Variants in KCNC2 observed in about 807,000 individuals in gnomAD.
The protein encoded by KCNC2 is voltage-gated potassium channel KCNC2.
In KCNC2, 21 loss-of-function variants were observed where a neutral mutation model predicts 44.5. The ratio of observed to expected loss-of-function variants is 0.47; its 90% CI spans 0.33 to 0.68. The LOEUF (loss-of-function observed/expected upper bound fraction) is 0.68, where lower values mean the gene tolerates loss of function less well. KCNC2 is among the 30% of genes least tolerant of loss of function. The pLI, the probability that KCNC2 is intolerant of heterozygous loss-of-function variation, is 0.01. For synonymous variants in KCNC2, 391 were observed against 339.1 expected (o/e 1.15, Z -1.68); for missense variants, 589 against 826.2 (o/e 0.71, Z 3.52).
intron 2 of KCNC2, among the ~76,000 whole-genome samples, chr12:75,061,116 T>C (rs1882276015): frequency 6.6e-6 from 1 of 152,170 alleles, no homozygotes; most frequent in Non-Finnish European, 1.5e-5. Context: ...AGAGTTTTAT[T>C]CAGATTTTAT....
intron 2 of KCNC2, among the ~76,000 whole-genome samples, chr12:75,171,053 C>G (rs1593019355): frequency 7.8e-6 from 1 of 128,064 alleles, no homozygotes; most frequent in Non-Finnish European, 1.6e-5. Context: ...AATATGGCAG[C>G]TTACTCCTTC....
At chr12:75,104,111 AG>A (rs1271650522) in intron 2 of KCNC2, among the ~76,000 whole-genome samples, 1 of 151,916 alleles carries the variant, frequency 6.6e-6, no homozygotes, top group Non-Finnish European at 1.5e-5. Flanking sequence ...TGAGTGGCAT[AG>A]GTATTGTGGT....
intron 2 of KCNC2, among the ~76,000 whole-genome samples, chr12:75,138,536 T>C (rs771118436): frequency 6.6e-6 from 1 of 152,220 alleles, no homozygotes; most frequent in African/African-American, 2.4e-5. Context: ...AACGTCCATA[T>C]TTTAATAGCC....
chr12:75,178,877 G>A (rs1292222464), intron 2 of KCNC2, among the ~76,000 whole-genome samples: 4 of 151,894 alleles, frequency 2.6e-5, no homozygotes, highest in Non-Finnish European at 4.4e-5. Flanking sequence ...AAAGAGGTGG[G>A]GGAATCATGC....
chr12:75,043,923 T>A, intron 4 of KCNC2: 1 of 629,874 alleles, frequency 1.6e-6, no homozygotes, highest in Admixed American at 3.2e-5. Context: ...TTCAGCTGAT[T>A]TCCACCCCCG....
Position 75,063,732 on chromosome 12 carries a change from C to A in KCNC2, c.688-12415G>T, listed in dbSNP as rs572754322. Among the ~76,000 whole-genome samples, 13 of 152,166 alleles carry A rather than the reference C, an allele frequency of 8.5e-5. 1 individual carries two copies. The South Asian group carries it at 2.5e-3, about 29-fold the overall frequency. ...GTAAACTCAATAAAGTGTTTGAGAT[C>A]TTTAAGTTTCTTCTTATACATTTTG... On this transcript the variant is annotated intron_variant, in intron 2 of 4. Transcript: ENST00000549446.
At chr12:75,161,312 A>G (rs544272633) in intron 2 of KCNC2, among the ~76,000 whole-genome samples, 1 of 151,854 alleles carries the variant, frequency 6.6e-6, no homozygotes, top group South Asian at 2.1e-4. Flanking sequence ...CTTTTAAAAT[A>G]TAAATGATAT....
chr12:75,137,449 C>T (rs1039487114), intron 2 of KCNC2, among the ~76,000 whole-genome samples: 2 of 152,188 alleles, frequency 1.3e-5, no homozygotes, highest in Non-Finnish European at 2.9e-5. Context: ...TTTCATCTGT[C>T]ATATAACCAA....
intron 2 of KCNC2, among the ~76,000 whole-genome samples, chr12:75,127,153 A>T (rs1261836302): frequency 1.3e-5 from 2 of 152,214 alleles, no homozygotes; most frequent in Admixed American, 1.3e-4. Flanking sequence ...TACAGTCTGT[A>T]ACAATCTCTG....
intron 2 of KCNC2, among the ~76,000 whole-genome samples, chr12:75,205,585 A>G (rs1345945733): frequency 1.3e-5 from 2 of 152,202 alleles, no homozygotes; most frequent in African/African-American, 4.8e-5. Context: ...AATCTGGCCT[A>G]CAATAAGATG....
At position 75,045,442 on chromosome 12, in the gene KCNC2, A is replaced by G. The variant is rs551985410; in HGVS notation, c.1781-2201T>C. Among the ~76,000 whole-genome samples the G allele has an allele frequency of 1.8e-4, 27 of 152,108 alleles. 4 individuals are homozygous for G. In the South Asian group the frequency reaches 5.6e-3, roughly 32 times the overall value. On this transcript the variant is annotated intron_variant, in intron 4 of 4. Coordinates refer to ENST00000549446, the MANE Select transcript of KCNC2 (RefSeq NM_139137.4). ...GAAAAGGCTTCCTTTCTAATTTAGT[A>G]ACAAGTATTTATTAGTAAAACTATA...
In KCNC2 at chr12:75,099,013, C is replaced by A. The variant is rs142932928; in HGVS notation, c.688-47696G>T. The stretch of plus-strand genomic sequence containing the variant: ...AAGGACTCTTTTTCACTGCATGTGG[C>A]AAGTGAGCAAAAATATCTTCTATTT... On this transcript the variant is annotated intron_variant, in intron 2 of 4. Coordinates refer to ENST00000549446, the MANE Select transcript of KCNC2 (RefSeq NM_139137.4). Among the ~76,000 whole-genome samples the A allele has an allele frequency of 2.8e-4, 42 of 152,104 alleles. 1 individual carries two copies. The highest frequency in any genetic ancestry group is 9.9e-4 in the African/African-American group (41 of 41,508).
chr12:75,092,700 T>C (rs1220572136), intron 2 of KCNC2, among the ~76,000 whole-genome samples: 1 of 151,658 alleles, frequency 6.6e-6, no homozygotes, highest in Non-Finnish European at 1.5e-5. Flanking sequence ...ATTTTATAGT[T>C]AAAAAATAAA....
intron 2 of KCNC2, among the ~76,000 whole-genome samples, chr12:75,132,259 T>A (rs1163320511): frequency 6.6e-6 from 1 of 152,198 alleles, no homozygotes; most frequent in Non-Finnish European, 1.5e-5. Flanking sequence ...TAGCTATTTC[T>A]ATTGAAAATC....
rs774057337 is a variant in KCNC2 at position 75,041,256 on chromosome 12, A to G, written c.*1849T>C. ...GACAGCATATTAATTCTTTTACCAT[A>G]AATTTGTGTGTAATTATAATGTTCT... On this transcript the variant is annotated 3_prime_UTR_variant, in exon 5 of 5. Transcript: ENST00000549446. The G allele has an allele frequency of 2.5e-6, 4 of 1,584,206 alleles. No individual in the cohort carries two copies. The highest frequency in any genetic ancestry group is 3.4e-6 in the Non-Finnish European group (4 of 1,171,766).
At chr12:75,051,539 G>T (rs1018348488) in intron 2 of KCNC2, among the ~76,000 whole-genome samples, 37 of 151,962 alleles carry the variant, frequency 2.4e-4, no homozygotes, top group Non-Finnish European at 2.5e-4. Flanking sequence ...TAGATACAAA[G>T]GTTTGCTTTA....
chr12:75,083,595 A>G (rs573644721), intron 2 of KCNC2, among the ~76,000 whole-genome samples: 10 of 152,096 alleles, frequency 6.6e-5, no homozygotes, highest in East Asian at 1.9e-4. Context: ...TTGGGCTACA[A>G]ATAATTTTCC....
intron 2 of KCNC2, among the ~76,000 whole-genome samples, chr12:75,115,498 C>G (rs1227999923): frequency 6.6e-6 from 1 of 152,152 alleles, no homozygotes; most frequent in Non-Finnish European, 1.5e-5. Context: ...TTTATTTATG[C>G]TCCCATATCA....
intron 3 of KCNC2, 58 bp downstream of exon 3, chr12:75,050,332 T>A: frequency 8.1e-7 from 1 of 1,237,782 alleles, no homozygotes; most frequent in South Asian, 1.4e-5. Context: ...GCCTTCTGCC[T>A]AAGGAACATA....
Sources: allele counts gnomAD v4.1 joint callset (sites outside exome capture counted in the v4.1 genomes callset), GRCh38; gene constraint gnomAD v4.1.1; transcripts MANE v1.5; gene names NCBI Gene and HGNC (gene_info 2026-07-23, HGNC 2026-07-21).